PCCA: variants seen among roughly 807,000 people sequenced by gnomAD.
PCCA encodes propionyl-CoA carboxylase alpha chain, mitochondrial.
A neutral mutation model predicts 101.3 loss-of-function variants in PCCA; 74 were observed. The observed-to-expected ratio is 0.73, with a 90% confidence interval of 0.61 to 0.89. The LOEUF is 0.89. Ranked by LOEUF, PCCA falls within the 40% of genes least tolerant of loss-of-function variation. PCCA has a pLI of 0.00. For synonymous variants in PCCA, 294 were observed against 313.6 expected (o/e 0.94, Z 0.66); for missense variants, 891 against 907.0 (o/e 0.98, Z 0.23).
chr13:100,461,425 AAAT>A (rs1395668072), intron 21 of PCCA, among the ~76,000 whole-genome samples: 10 of 152,246 alleles, frequency 6.6e-5, no homozygotes, highest in African/African-American at 2.2e-4. Context: ...ACTAATTAAA[AAAT>A]GAAAAGAATT....
At chr13:100,336,306 A>G (rs7984576) in intron 17 of PCCA, among the ~76,000 whole-genome samples, 141,084 of 152,184 alleles carry the variant, frequency 0.93, 66,359 homozygotes, top group East Asian at 1. Flanking sequence ...AACAGAAAAC[A>G]CTACATGTAA....
At chr13:100,285,731 G>A (rs1052589858) in intron 12 of PCCA, among the ~76,000 whole-genome samples, 1 of 152,056 alleles carries the variant, frequency 6.6e-6, no homozygotes, top group Non-Finnish European at 1.5e-5. Context: ...GGAACCAATT[G>A]ACCATGACTG....
At chr13:100,449,739 C>T (rs1011929733) in intron 21 of PCCA, among the ~76,000 whole-genome samples, 4 of 152,226 alleles carry the variant, frequency 2.6e-5, no homozygotes, top group African/African-American at 7.2e-5. Context: ...ATCCATCCAC[C>T]TCGGCTTCCC....
chr13:100,338,517 G>C (rs921391515), intron 17 of PCCA, among the ~76,000 whole-genome samples: 4 of 152,010 alleles, frequency 2.6e-5, no homozygotes, highest in Non-Finnish European at 5.9e-5. Context: ...TTGTTGGCAG[G>C]TCATGCTATG....
chr13:100,403,751 T>A (rs1021928704), intron 19 of PCCA, among the ~76,000 whole-genome samples: 1 of 152,150 alleles, frequency 6.6e-6, no homozygotes, highest in African/African-American at 2.4e-5. Flanking sequence ...CAGGGACTCT[T>A]CAAGGCCAGA....
At chr13:100,100,787 C>CT (rs35809308) in intron 1 of PCCA, among the ~76,000 whole-genome samples, 307 of 144,210 alleles carry the variant, frequency 2.1e-3, no homozygotes, top group African/African-American at 5.5e-3. Flanking sequence ...TCTACTTCTT[C>CT]TTTTTTTTTT....
chr13:100,204,702 C>G (rs1222996884), intron 6 of PCCA, among the ~76,000 whole-genome samples: 2 of 152,272 alleles, frequency 1.3e-5, no homozygotes, highest in African/African-American at 4.8e-5. Context: ...TTCCCCCATT[C>G]TTCTATTAAA....
chr13:100,526,729 G>C (rs1001317580), intron 22 of PCCA, among the ~76,000 whole-genome samples: 1 of 152,260 alleles, frequency 6.6e-6, no homozygotes, highest in Non-Finnish European at 1.5e-5. Flanking sequence ...GGCTCAGGAC[G>C]CTGACCCATC....
chr13:100,293,991 A>G (rs145053006), intron 12 of PCCA, among the ~76,000 whole-genome samples: 50 of 152,342 alleles, frequency 3.3e-4, no homozygotes, highest in African/African-American at 1.1e-3. Context: ...TAGGGCTGCC[A>G]TAACAAAGTA....
intron 16 of PCCA, among the ~76,000 whole-genome samples, chr13:100,320,348 C>T (rs2067885949): frequency 6.6e-6 from 1 of 152,204 alleles, no homozygotes; most frequent in African/African-American, 2.4e-5. Flanking sequence ...CTGGCCAGAA[C>T]TTCCAACACT....
chr13:100,158,358 G>A (rs2054088054), intron 6 of PCCA, among the ~76,000 whole-genome samples: 1 of 152,124 alleles, frequency 6.6e-6, no homozygotes, highest in Non-Finnish European at 1.5e-5. Context: ...TTATTTTCTA[G>A]ATGGAATTTC....
At chr13:100,299,608 C>A (rs2065899258) in intron 12 of PCCA, among the ~76,000 whole-genome samples, 1 of 152,132 alleles carries the variant, frequency 6.6e-6, no homozygotes, top group Non-Finnish European at 1.5e-5. Context: ...GGGCACTGGT[C>A]ATAGAAAGAG....
intron 4 of PCCA, chr13:100,150,896 C>T (rs1402615168): frequency 6.4e-7 from 1 of 1,552,496 alleles, no homozygotes; most frequent in East Asian, 2.2e-5. Context: ...GCCACCACGG[C>T]AAACACGAAT....
At chr13:100,191,504 C>T (rs1408872234) in intron 6 of PCCA, among the ~76,000 whole-genome samples, 1 of 152,198 alleles carries the variant, frequency 6.6e-6, no homozygotes, top group African/African-American at 2.4e-5. Flanking sequence ...GAAACTGAGG[C>T]ACACAGCAGC....
intron 21 of PCCA, among the ~76,000 whole-genome samples, chr13:100,470,539 C>T (rs1318098158): frequency 1.3e-5 from 2 of 152,034 alleles, no homozygotes; most frequent in East Asian, 1.9e-4. Flanking sequence ...TGGCAGCAGT[C>T]GACCAAGCCC....
At chr13:100,477,944 T>TG (rs2083544433) in intron 21 of PCCA, among the ~76,000 whole-genome samples, 1 of 152,210 alleles carries the variant, frequency 6.6e-6, no homozygotes, top group African/African-American at 2.4e-5. Flanking sequence ...ACAAGGCCTG[T>TG]GGCCGCGGGC....
At chr13:100,409,387 G>A (rs1420418108) in intron 19 of PCCA, among the ~76,000 whole-genome samples, 4 of 152,164 alleles carry the variant, frequency 2.6e-5, no homozygotes, top group African/African-American at 9.7e-5. Context: ...GAAGAATTCA[G>A]GCTTGCAGTT....
chr13:100,507,482 A>G (rs949732958), intron 21 of PCCA, among the ~76,000 whole-genome samples: 5 of 152,132 alleles, frequency 3.3e-5, no homozygotes, highest in African/African-American at 1.2e-4. Flanking sequence ...CGGAATTCTT[A>G]GAAGACTAGG....
chr13:100,249,880 T>C (rs552373301), intron 8 of PCCA, among the ~76,000 whole-genome samples: 4 of 152,318 alleles, frequency 2.6e-5, no homozygotes, highest in Non-Finnish European at 4.4e-5. Context: ...TGCTGGTATA[T>C]AGGAATGTGA....
Sources: gnomAD v4.1 joint callset for allele counts (sites outside exome capture counted in the v4.1 genomes callset) on GRCh38, gnomAD v4.1.1 for gene constraint, MANE v1.5 for transcripts, NCBI Gene and HGNC (gene_info 2026-07-23, HGNC 2026-07-21) for gene names.